The following BICD1 variants were observed in gnomAD, a reference collection of about 807,000 sequenced individuals.
The protein encoded by BICD1 is protein bicaudal D homolog 1.
A neutral mutation model predicts 92.5 loss-of-function variants in BICD1; 35 were observed. The observed-to-expected ratio is 0.38, with a 90% CI of 0.29 to 0.50. BICD1 has a LOEUF of 0.50. Ranked by LOEUF, BICD1 falls within the 20% of genes least tolerant of loss-of-function variation. BICD1 has a pLI of 0.93. For synonymous variants in BICD1, 429 were observed against 465.1 expected (o/e 0.92, Z 1.00); for missense variants, 950 against 1,189.8 (o/e 0.80, Z 2.97).
At chr12:32,326,763 G>A (rs1270422379) in intron 4 of BICD1, among the ~76,000 whole-genome samples, 1 of 152,118 alleles carries the variant, frequency 6.6e-6, no homozygotes, top group Non-Finnish European at 1.5e-5. Context: ...CATACCTGTA[G>A]TCCCAGCTAC....
intron 2 of BICD1, among the ~76,000 whole-genome samples, chr12:32,269,435 C>G (rs953717994): frequency 2.0e-5 from 3 of 152,142 alleles, no homozygotes; most frequent in African/African-American, 7.2e-5. Context: ...TGTATAGGAA[C>G]TATTAAGTGA....
chr12:32,343,622 C>T (rs1938463726), intron 8 of BICD1, among the ~76,000 whole-genome samples: 1 of 152,166 alleles, frequency 6.6e-6, no homozygotes, highest in Admixed American at 6.5e-5. Context: ...TATCTTGCTT[C>T]TCCCTCTCAT....
At chr12:32,216,553 A>G in intron 2 of BICD1, 94 bp downstream of exon 2, 1 of 1,374,488 alleles carries the variant, frequency 7.3e-7, no homozygotes, top group Non-Finnish European at 1.0e-6. Flanking sequence ...TGTTTTAATC[A>G]GAGGAGCTGT....
At chr12:32,303,242 C>A (rs937686812) in intron 3 of BICD1, among the ~76,000 whole-genome samples, 18 of 151,972 alleles carry the variant, frequency 1.2e-4, no homozygotes, top group African/African-American at 4.3e-4. Context: ...GTGCCCAGTC[C>A]TCATAATGCA....
At chr12:32,186,614 T>G (rs1426216191) in intron 1 of BICD1, among the ~76,000 whole-genome samples, 1 of 152,258 alleles carries the variant, frequency 6.6e-6, no homozygotes, top group East Asian at 1.9e-4. Context: ...AAGTTCTTTA[T>G]TATTTTTTAT....
chr12:32,281,533 G>T (rs912434142), intron 2 of BICD1, among the ~76,000 whole-genome samples: 1 of 152,130 alleles, frequency 6.6e-6, no homozygotes, highest in Non-Finnish European at 1.5e-5. Context: ...GAGTTAAGTT[G>T]TATCAGGCAT....
chr12:32,305,252 A>G (rs928642719), intron 3 of BICD1, among the ~76,000 whole-genome samples: 2 of 152,162 alleles, frequency 1.3e-5, no homozygotes, highest in East Asian at 1.9e-4. Flanking sequence ...GAAATAAAAC[A>G]AAGTAATGGT....
intron 8 of BICD1, among the ~76,000 whole-genome samples, chr12:32,350,709 T>G (rs1592709291): frequency 6.6e-6 from 1 of 152,214 alleles, no homozygotes; most frequent in East Asian, 1.9e-4. Context: ...TCTATTGATT[T>G]TATTCAATTT....
intron 1 of BICD1, among the ~76,000 whole-genome samples, chr12:32,116,195 A>G (rs899609642): frequency 1.3e-5 from 2 of 152,086 alleles, no homozygotes; most frequent in Non-Finnish European, 1.5e-5. Context: ...TAAATCTCTG[A>G]GATGGCTGTG....
chr12:32,107,871 C>T (rs1941545860), intron 1 of BICD1: 3 of 613,768 alleles, frequency 4.9e-6, no homozygotes, highest in Admixed American at 2.7e-5. Flanking sequence ...TTCTCAAAAC[C>T]GCTGTTATCT....
chr12:32,216,871 G>A (rs1359444846), intron 2 of BICD1, among the ~76,000 whole-genome samples: 2 of 152,178 alleles, frequency 1.3e-5, no homozygotes, highest in South Asian at 2.1e-4. Flanking sequence ...TGCTCATAGG[G>A]AATGACAGCC....
rs981232894 is a variant in BICD1 at position 32,328,633 on chromosome 12, G to A, written c.2100+78G>A. ...TTATTCCCTAATTTTATTGAGTATC[G>A]AGTATCGTCAAGATGAGAGTTCAGA... is the stretch of plus-strand genomic sequence containing the variant. On this transcript the variant is annotated intron_variant, in intron 5 of 9. Transcript: ENST00000652176. The surrounding 1 kb of genome is among the most constrained non-coding windows in gnomAD (Gnocchi z 4.4). 4.3e-5 allele frequency: 66 copies of A among 1,518,148 alleles called. No individual in the cohort carries two copies. The highest frequency in any genetic ancestry group is 3.4e-5 in the Non-Finnish European group (38 of 1,131,776). 94.0% of individuals were successfully genotyped at this position (1,518,148 alleles called of 1,614,324 possible).
At chr12:32,356,590 A>T (rs1158247772) in intron 8 of BICD1, among the ~76,000 whole-genome samples, 1 of 151,946 alleles carries the variant, frequency 6.6e-6, no homozygotes, top group Non-Finnish European at 1.5e-5. Context: ...CCGAGAGCAC[A>T]CTACTGCACT....
intron 1 of BICD1, among the ~76,000 whole-genome samples, chr12:32,128,036 G>A (rs1012137802): frequency 4.6e-5 from 7 of 151,732 alleles, no homozygotes; most frequent in Admixed American, 2.0e-4. Context: ...CCTAGGTAGC[G>A]GGGATTACAG....
At position 32,131,296 on chromosome 12, in the gene BICD1, A is replaced by G. The variant is rs146418837; in HGVS notation, c.213+23752A>G. On this transcript the variant is annotated intron_variant, in intron 1 of 9. Coordinates refer to ENST00000652176, the MANE Select transcript of BICD1 (RefSeq NM_001714.4). ...AAAAAAATTATTTTTCTGTTGCCGT[A>G]TATTTCAGCTCTTCTCGGTCTTGAA... 1.4e-3 allele frequency among the ~76,000 whole-genome samples: 219 copies of G among 152,258 alleles called. 1 individual carries two copies. The highest frequency in any genetic ancestry group is 5.0e-3 in the African/African-American group (208 of 41,564).
chr12:32,330,209 A>C (rs1190863493), intron 5 of BICD1, among the ~76,000 whole-genome samples: 1 of 152,182 alleles, frequency 6.6e-6, no homozygotes, highest in African/African-American at 2.4e-5. Flanking sequence ...TGCACTATTA[A>C]CATGTTTTAT....
At chr12:32,179,264 C>G (rs1944205357) in intron 1 of BICD1, among the ~76,000 whole-genome samples, 1 of 151,934 alleles carries the variant, frequency 6.6e-6, no homozygotes, top group South Asian at 2.1e-4. Context: ...TGAAGCAGTT[C>G]TGTGGAGAAA....
At chr12:32,232,547 A>C (rs1180900480) in intron 2 of BICD1, among the ~76,000 whole-genome samples, 1 of 147,490 alleles carries the variant, frequency 6.8e-6, no homozygotes, top group Non-Finnish European at 1.5e-5. Context: ...TTGCCTGTTC[A>C]CTCTGATGGT....
intron 2 of BICD1, among the ~76,000 whole-genome samples, chr12:32,244,843 G>T (rs1592545139): frequency 6.6e-6 from 1 of 152,066 alleles, no homozygotes; most frequent in Non-Finnish European, 1.5e-5. Flanking sequence ...TGGCCAGTAT[G>T]ATCTCAATTT....
Sources: gnomAD v4.1 joint callset for allele counts (sites outside exome capture counted in the v4.1 genomes callset) on GRCh38, gnomAD v4.1.1 for gene constraint, Gnocchi (gnomAD v3.1) non-coding constraint, MANE v1.5 for transcripts, NCBI Gene and HGNC (gene_info 2026-07-23, HGNC 2026-07-21) for gene names.